Variants in CEP85L observed in about 807,000 individuals in gnomAD.
CEP85L encodes the protein centrosomal protein 85L.
In CEP85L, 60 loss-of-function variants were observed where a neutral mutation model predicts 100.3. That is an observed-to-expected ratio of 0.60 (90% CI 0.49 to 0.74). The LOEUF (loss-of-function observed/expected upper bound fraction) is 0.74, where lower values mean the gene tolerates loss of function less well. Ranked by LOEUF, CEP85L falls within the 30% of genes least tolerant of loss-of-function variation. The pLI is 0.00. For missense variants in CEP85L, 973 were observed against 936.2 expected, an observed-to-expected ratio of 1.04 and a Z score of -0.51; for synonymous variants, 319 against 322.7, an observed-to-expected ratio of 0.99 and a Z score of 0.12.
At chr6:118,626,009 A>T (rs1341611005) in intron 2 of CEP85L, among the ~76,000 whole-genome samples, 1 of 152,130 alleles carries the variant, frequency 6.6e-6, no homozygotes, top group East Asian at 1.9e-4. Flanking sequence ...ATACAACAGC[A>T]GGGCCCCATC....
chr6:118,528,396 G>A (rs909734641), intron 3 of CEP85L, among the ~76,000 whole-genome samples: 3 of 151,968 alleles, frequency 2.0e-5, no homozygotes, highest in Non-Finnish European at 4.4e-5. Context: ...AACAAAATAT[G>A]AGAATGTATT....
At chr6:118,647,411 A>C (rs901561433) in intron 1 of CEP85L, among the ~76,000 whole-genome samples, 2 of 152,314 alleles carry the variant, frequency 1.3e-5, no homozygotes, top group Middle Eastern at 6.8e-3. Context: ...CCCGGGCTGG[A>C]GTGCAACGAC....
At chr6:118,637,473 A>G (rs1774570724) in intron 1 of CEP85L, among the ~76,000 whole-genome samples, 1 of 151,860 alleles carries the variant, frequency 6.6e-6, no homozygotes, top group African/African-American at 2.4e-5. Context: ...CAACGCTGGC[A>G]GACAGCTTGA....
At chr6:118,672,632 G>A (rs977510710) in intron 1 of CEP85L, among the ~76,000 whole-genome samples, 1 of 152,082 alleles carries the variant, frequency 6.6e-6, no homozygotes, top group Admixed American at 6.5e-5. Flanking sequence ...TGGGCATGGT[G>A]GCACACACCT....
At position 118,491,754 on chromosome 6, in the gene CEP85L, G is replaced by A; in HGVS notation, c.1369C>T (p.Gln457Ter). Residue 457 changes from glutamine to a stop codon, truncating the protein, a stop_gained, in exon 6 of 13, where the codon CAG becomes TAG. Coordinates refer to ENST00000368491, the MANE Select transcript of CEP85L (RefSeq NM_001042475.3). LOFTEE classifies it high-confidence loss of function. ...CTTTGTTTGAGAAACTCATTAAGCTGTAAAACTTCTTTCTCAGTAGATGCA... is the reference window on the plus strand; with the variant it reads ...CTTTGTTTGAGAAACTCATTAAGCTATAAAACTTCTTTCTCAGTAGATGCA... ...KLASTEKEVL[Q>*]LNEFLKQRLS... 2 of 1,613,074 alleles carry A rather than the reference G, an allele frequency of 1.2e-6. No homozygotes were observed. Among genetic ancestry groups the A allele is most frequent in the South Asian group, 1.1e-5 (1 of 90,912 alleles).
At chr6:118,636,762 C>G (rs145630619) in intron 1 of CEP85L, among the ~76,000 whole-genome samples, 2 of 152,186 alleles carry the variant, frequency 1.3e-5, no homozygotes, top group Non-Finnish European at 2.9e-5. Context: ...TACCTTCAAG[C>G]TTGAACTGAT....
chr6:118,537,558 T>C (rs1165174492), intron 3 of CEP85L: 1 of 985,228 alleles, frequency 1.0e-6, no homozygotes, highest in South Asian at 4.7e-5. Flanking sequence ...ACTCTCAAAA[T>C]TGAGTAAGGA....
At chr6:118,501,550 G>C (rs1304455403) in intron 5 of CEP85L, 2 of 511,924 alleles carry the variant, frequency 3.9e-6, no homozygotes, top group African/African-American at 3.9e-5. Flanking sequence ...TCAGCAACAT[G>C]AAAGAAGAGA....
At chr6:118,626,603 G>A (rs981048643) in intron 2 of CEP85L, among the ~76,000 whole-genome samples, 3 of 152,118 alleles carry the variant, frequency 2.0e-5, no homozygotes, top group Non-Finnish European at 2.9e-5. Flanking sequence ...CCGCCTTAAA[G>A]AGTTTAAAAG....
At chr6:118,610,133 GATT>G (rs1562306811) in intron 2 of CEP85L, among the ~76,000 whole-genome samples, 1 of 152,074 alleles carries the variant, frequency 6.6e-6, no homozygotes, top group Non-Finnish European at 1.5e-5. Flanking sequence ...CCAATTTAGA[GATT>G]TTTTTAAAAA....
In CEP85L at chr6:118,461,872, G is replaced by A. The variant is rs759614868; in HGVS notation, c.*3533C>T. 3.3e-5 allele frequency: 5 copies of A among 151,958 alleles called. No homozygotes were observed. Among genetic ancestry groups the A allele is most frequent in the Admixed American group, 6.5e-5 (1 of 15,268 alleles). The allele number at this position is 151,958 out of a possible 1,614,324, so 9.4% of individuals were successfully genotyped here. On this transcript the variant is annotated 3_prime_UTR_variant, in exon 13 of 13. Transcript: ENST00000368491. ...ATATCTACAATGATATAATTCCTAC[G>A]TAAGAGAATGCCAATAATCCAAACT...
At chr6:118,519,857 A>G (rs1178822639) in intron 4 of CEP85L, among the ~76,000 whole-genome samples, 3 of 152,196 alleles carry the variant, frequency 2.0e-5, no homozygotes, top group African/African-American at 7.2e-5. Flanking sequence ...TCTAAACCAG[A>G]TAAATACATT....
At chr6:118,575,725 T>C (rs1320400162) in intron 2 of CEP85L, among the ~76,000 whole-genome samples, 1 of 152,180 alleles carries the variant, frequency 6.6e-6, no homozygotes, top group African/African-American at 2.4e-5. Context: ...TCAAGCTATA[T>C]GTGATGCAGT....
chr6:118,609,545 C>A (rs1772470873), intron 2 of CEP85L, among the ~76,000 whole-genome samples: 1 of 152,116 alleles, frequency 6.6e-6, no homozygotes, highest in Admixed American at 6.5e-5. Flanking sequence ...AACAGGACTT[C>A]TGGTTCAAGA....
At chr6:118,553,431 A>T (rs1383031158) in intron 3 of CEP85L, among the ~76,000 whole-genome samples, 1 of 152,198 alleles carries the variant, frequency 6.6e-6, no homozygotes, top group Non-Finnish European at 1.5e-5. Flanking sequence ...AATTATCATC[A>T]TACAAATGTT....
chr6:118,602,311 CAA>C (rs2115181465), intron 2 of CEP85L, among the ~76,000 whole-genome samples: 1 of 152,278 alleles, frequency 6.6e-6, no homozygotes, highest in Non-Finnish European at 1.5e-5. Flanking sequence ...TATTCCTACA[CAA>C]AGAGTGTAAC....
chr6:118,681,678 G>C (rs1036819962), intron 1 of CEP85L, among the ~76,000 whole-genome samples: 9 of 151,340 alleles, frequency 5.9e-5, no homozygotes, highest in African/African-American at 2.2e-4. Flanking sequence ...CCCCAGTGAG[G>C]GTTTAGAAAA....
chr6:118,621,176 A>C (rs1217850259), intron 2 of CEP85L, among the ~76,000 whole-genome samples: 1 of 152,166 alleles, frequency 6.6e-6, no homozygotes, highest in Non-Finnish European at 1.5e-5. Flanking sequence ...TTAGTGAGAA[A>C]ATGGGACAGT....
intron 2 of CEP85L, among the ~76,000 whole-genome samples, chr6:118,573,645 T>A (rs1205983569): frequency 6.6e-6 from 1 of 152,180 alleles, no homozygotes. Flanking sequence ...ATAGTCCTCA[T>A]ATTTACCAGT....
Sources: allele counts gnomAD v4.1 joint callset (sites outside exome capture counted in the v4.1 genomes callset), GRCh38; gene constraint gnomAD v4.1.1; transcripts MANE v1.5; gene names NCBI Gene and HGNC (gene_info 2026-07-23, HGNC 2026-07-21).